The following ARHGAP32 variants were observed in gnomAD, a reference collection of about 807,000 sequenced individuals.
The protein encoded by ARHGAP32 is Rho GTPase activating protein 32.
Under a neutral mutation model 186.5 loss-of-function variants are expected in ARHGAP32, and 51 were observed. The ratio of observed to expected loss-of-function variants is 0.27; its 90% CI spans 0.22 to 0.35. ARHGAP32 has a LOEUF of 0.35. Among genes scored for constraint, ARHGAP32 ranks in the 10% least tolerant of loss-of-function variants. The pLI, the probability that ARHGAP32 is intolerant of heterozygous loss-of-function variation, is 1.00. For synonymous variants in ARHGAP32, 950 were observed against 964.3 expected, an observed-to-expected ratio of 0.99 and a Z score of 0.27; for missense variants, 2,186 against 2,623.5, an observed-to-expected ratio of 0.83 and a Z score of 3.64.
At chr11:129,073,770 A>C (rs142019649) in intron 6 of ARHGAP32, among the ~76,000 whole-genome samples, 1,486 of 148,348 alleles carry the variant, frequency 0.01, 22 homozygotes, top group African/African-American at 0.029. Flanking sequence ...AACAAACAAA[A>C]AACAACAACA....
chr11:129,206,073 C>T (rs925311079), intron 1 of ARHGAP32, among the ~76,000 whole-genome samples: 8 of 151,928 alleles, frequency 5.3e-5, no homozygotes, highest in African/African-American at 9.7e-5. Context: ...TCATTTCATT[C>T]GTAAATAATT....
chr11:129,069,124 G>C (rs2135168107), intron 6 of ARHGAP32, among the ~76,000 whole-genome samples: 1 of 152,044 alleles, frequency 6.6e-6, no homozygotes, highest in South Asian at 2.1e-4. Flanking sequence ...AAACATTTAG[G>C]TACAGCACAG....
At chr11:128,999,857 A>T (rs1396862947) in intron 11 of ARHGAP32, among the ~76,000 whole-genome samples, 1 of 152,218 alleles carries the variant, frequency 6.6e-6, no homozygotes, top group Non-Finnish European at 1.5e-5. Context: ...ATACTTAAGG[A>T]TGTTACAGGA....
chr11:129,133,907 CAG>C (rs1161547256), intron 2 of ARHGAP32, among the ~76,000 whole-genome samples: 1 of 152,104 alleles, frequency 6.6e-6, no homozygotes, highest in Middle Eastern at 3.2e-3. Context: ...ATATATGTGC[CAG>C]TTGAAAGCAC....
chr11:129,240,030 T>A (rs1410154462), intron 1 of ARHGAP32, among the ~76,000 whole-genome samples: 1 of 152,054 alleles, frequency 6.6e-6, no homozygotes, highest in Non-Finnish European at 1.5e-5. Flanking sequence ...ATTAAATAAT[T>A]TCCCCTATAC....
At chr11:129,042,650 C>A (rs947853411) in intron 10 of ARHGAP32, among the ~76,000 whole-genome samples, 6 of 152,060 alleles carry the variant, frequency 3.9e-5, no homozygotes, top group Admixed American at 6.5e-5. Flanking sequence ...GTTTGGAAAG[C>A]GATTATAAAA....
At chr11:129,103,214 C>T (rs1941950364) in intron 5 of ARHGAP32, among the ~76,000 whole-genome samples, 1 of 151,800 alleles carries the variant, frequency 6.6e-6, no homozygotes, top group African/African-American at 2.4e-5. Flanking sequence ...GGAAATCCAG[C>T]AGAGATTAAA....
upstream of ARHGAP32, among the ~76,000 whole-genome samples, chr11:129,192,497 A>G (rs1004388066): frequency 6.6e-6 from 1 of 152,222 alleles, no homozygotes; most frequent in African/African-American, 2.4e-5. Flanking sequence ...ATTCTGTAAT[A>G]ATGACTCTTC....
At chr11:129,106,270 C>G (rs1942044056) in intron 5 of ARHGAP32, among the ~76,000 whole-genome samples, 1 of 152,112 alleles carries the variant, frequency 6.6e-6, no homozygotes, top group African/African-American at 2.4e-5. Flanking sequence ...ATGGAATCAA[C>G]CTAGGTGCCC....
intron 6 of ARHGAP32, among the ~76,000 whole-genome samples, chr11:129,084,348 A>T (rs1175212333): frequency 7.0e-6 from 1 of 142,136 alleles, no homozygotes; most frequent in East Asian, 2.0e-4. Context: ...AAGAAAAAAG[A>T]AAAAAAAAAA....
In ARHGAP32 at chr11:128,968,739, A is replaced by G; in HGVS notation, c.*168T>C. The stretch of plus-strand genomic sequence containing the variant: ...AAGTCTATAGATGGAAGAGGGGGTA[A>G]TGAAGCAGGGAAGGGGAAAAAGATG... On this transcript the variant is annotated 3_prime_UTR_variant, in exon 23 of 23. Transcript: ENST00000682385. 1 of 501,518 alleles carries G rather than the reference A, an allele frequency of 2.0e-6. No homozygotes were observed. The highest frequency in any genetic ancestry group is 3.4e-5 in the East Asian group (1 of 29,468). 31.1% of individuals were successfully genotyped at this position (501,518 alleles called of 1,614,324 possible).
chr11:129,141,707 C>A (rs1400030683), intron 2 of ARHGAP32, among the ~76,000 whole-genome samples: 22 of 134,322 alleles, frequency 1.6e-4, no homozygotes, highest in South Asian at 2.4e-4. Flanking sequence ...TATATAAAAT[C>A]AAAAAAAAAA....
chr11:129,002,654 T>A (rs1946393539), intron 11 of ARHGAP32, among the ~76,000 whole-genome samples: 1 of 152,180 alleles, frequency 6.6e-6, no homozygotes. Context: ...AAAGTGGGCA[T>A]CCTTGTCATG....
chr11:129,146,790 A>T (rs1038052377), intron 2 of ARHGAP32, among the ~76,000 whole-genome samples: 1 of 152,066 alleles, frequency 6.6e-6, no homozygotes, highest in African/African-American at 2.4e-5. Flanking sequence ...TATGTTTATT[A>T]AAAAACTAAT....
intron 9 of ARHGAP32, among the ~76,000 whole-genome samples, chr11:129,062,901 T>A (rs1940558408): frequency 7.6e-6 from 1 of 131,940 alleles, no homozygotes; most frequent in African/African-American, 2.7e-5. Context: ...ACTACACTTC[T>A]TTCAATAGAT....
chr11:129,047,335 A>T (rs1430003204), intron 10 of ARHGAP32, among the ~76,000 whole-genome samples: 3 of 152,042 alleles, frequency 2.0e-5, no homozygotes, highest in African/African-American at 7.2e-5. Flanking sequence ...TCTGACTACA[A>T]CTTCCTATCC....
At chr11:128,988,991 A>C (rs1476246483) in intron 12 of ARHGAP32, among the ~76,000 whole-genome samples, 2 of 152,246 alleles carry the variant, frequency 1.3e-5, no homozygotes, top group Non-Finnish European at 2.9e-5. Context: ...AAATCCTTGA[A>C]AAGAAATGCT....
chr11:129,110,523 C>T (rs919798323), intron 5 of ARHGAP32, among the ~76,000 whole-genome samples: 1 of 152,056 alleles, frequency 6.6e-6, no homozygotes, highest in African/African-American at 2.4e-5. Context: ...CTACAAATTG[C>T]TTTGTACAGT....
intron 12 of ARHGAP32, among the ~76,000 whole-genome samples, chr11:128,989,671 A>G (rs1338226286): frequency 6.6e-6 from 1 of 151,994 alleles, no homozygotes; most frequent in African/African-American, 2.4e-5. Context: ...TCAACCCATC[A>G]TCTACATTGA....
Sources: gnomAD v4.1 joint callset for allele counts (sites outside exome capture counted in the v4.1 genomes callset) on GRCh38, gnomAD v4.1.1 for gene constraint, MANE v1.5 for transcripts, NCBI Gene and HGNC (gene_info 2026-07-23, HGNC 2026-07-21) for gene names.